The following MSRB3 variants were observed in gnomAD, a reference collection of about 807,000 sequenced individuals.
The protein encoded by MSRB3 is methionine sulfoxide reductase B3, also known as methionine-R-sulfoxide reductase B3.
In MSRB3, 13 loss-of-function variants were observed where a neutral mutation model predicts 21.0. That is an observed-to-expected ratio of 0.62 (90% CI 0.40 to 0.98). MSRB3 has a LOEUF of 0.98. MSRB3 is among the 50% of genes least tolerant of loss of function. The probability of loss-of-function intolerance (pLI) is 0.00; values close to 1 mark genes in which losing one functional copy is unlikely to be tolerated. For synonymous variants in MSRB3, 87 were observed against 88.6 expected (o/e 0.98, Z 0.10); for missense variants, 199 against 230.3 (o/e 0.86, Z 0.88).
At chr12:65,452,727 A>C (rs1278828394) in intron 5 of MSRB3, among the ~76,000 whole-genome samples, 1 of 152,160 alleles carries the variant, frequency 6.6e-6, no homozygotes, top group Non-Finnish European at 1.5e-5. Flanking sequence ...CATGTTGTTG[A>C]AGTTTGCATT....
chr12:65,427,609 C>T (rs1228666903), intron 5 of MSRB3, among the ~76,000 whole-genome samples: 1 of 152,106 alleles, frequency 6.6e-6, no homozygotes, highest in Non-Finnish European at 1.5e-5. Flanking sequence ...GGAGCTGAGG[C>T]CTGAAGCACA....
intron 4 of MSRB3, among the ~76,000 whole-genome samples, chr12:65,341,236 G>C (rs1371914183): frequency 6.6e-6 from 1 of 152,064 alleles, no homozygotes; most frequent in South Asian, 2.1e-4. Context: ...TAAAAAATGA[G>C]ATTCAGTTAT....
intron 1 of MSRB3, among the ~76,000 whole-genome samples, chr12:65,301,414 A>G (rs541103296): frequency 2.6e-5 from 4 of 152,348 alleles, no homozygotes; most frequent in Non-Finnish European, 4.4e-5. Flanking sequence ...TAAAATCTAC[A>G]CGGAAATTTT....
chr12:65,434,576 T>G (rs953722403), intron 5 of MSRB3, among the ~76,000 whole-genome samples: 6 of 151,854 alleles, frequency 4.0e-5, no homozygotes, highest in Non-Finnish European at 8.8e-5. Flanking sequence ...TAATAAGCGT[T>G]GGGACTTGGA....
intron 5 of MSRB3, chr12:65,419,951 G>T: frequency 1.7e-6 from 1 of 571,938 alleles, no homozygotes; most frequent in Non-Finnish European, 3.4e-6. Flanking sequence ...AGGTGCCATA[G>T]CTGGGCACCT....
intron 4 of MSRB3, among the ~76,000 whole-genome samples, chr12:65,363,664 C>T (rs1304298881): frequency 6.6e-6 from 1 of 151,878 alleles, no homozygotes; most frequent in Non-Finnish European, 1.5e-5. Context: ...TCTGACAAGA[C>T]TCCAAAATAA....
chr12:65,334,647 AT>A (rs1311988322), intron 4 of MSRB3, among the ~76,000 whole-genome samples: 8 of 152,162 alleles, frequency 5.3e-5, no homozygotes. Context: ...CCCAAAAGTA[AT>A]GAGATCCATC....
intron 1 of MSRB3, among the ~76,000 whole-genome samples, chr12:65,293,818 G>A (rs970616989): frequency 6.6e-6 from 1 of 152,192 alleles, no homozygotes; most frequent in Non-Finnish European, 1.5e-5. Context: ...AATAAATGCA[G>A]CATGGGCATG....
chr12:65,434,572 G>A (rs1176025369), intron 5 of MSRB3, among the ~76,000 whole-genome samples: 1 of 151,838 alleles, frequency 6.6e-6, no homozygotes, highest in Non-Finnish European at 1.5e-5. Flanking sequence ...ATATTAATAA[G>A]CGTTGGGACT....
intron 6 of MSRB3, among the ~76,000 whole-genome samples, chr12:65,455,155 A>G (rs1199988350): frequency 6.6e-6 from 1 of 151,924 alleles, no homozygotes; most frequent in Non-Finnish European, 1.5e-5. Flanking sequence ...ACCAGGCACA[A>G]AATGTTTAGG....
At chr12:65,343,788 A>G (rs946472111) in intron 4 of MSRB3, among the ~76,000 whole-genome samples, 1 of 152,040 alleles carries the variant, frequency 6.6e-6, no homozygotes, top group Admixed American at 6.6e-5. Context: ...GCTTCCCTGT[A>G]TTCTGGCTGA....
At chr12:65,317,098 A>G (rs1298669482) in intron 2 of MSRB3, among the ~76,000 whole-genome samples, 4 of 152,156 alleles carry the variant, frequency 2.6e-5, no homozygotes, top group African/African-American at 9.7e-5. Context: ...GTCATTAACC[A>G]GGTATGCAAC....
intron 5 of MSRB3, among the ~76,000 whole-genome samples, chr12:65,397,385 T>C (rs1224962695): frequency 6.6e-6 from 1 of 152,168 alleles, no homozygotes; most frequent in African/African-American, 2.4e-5. Context: ...TATAATCACT[T>C]TAGTAATAGC....
chr12:65,331,321 A>G (rs1875401404), intron 4 of MSRB3, among the ~76,000 whole-genome samples: 1 of 152,226 alleles, frequency 6.6e-6, no homozygotes, highest in Admixed American at 6.5e-5. Context: ...AAATGAAAAG[A>G]AATTCTAAAG....
intron 5 of MSRB3, among the ~76,000 whole-genome samples, chr12:65,396,526 A>G (rs1463060178): frequency 6.6e-6 from 1 of 152,080 alleles, no homozygotes; most frequent in Admixed American, 6.5e-5. Flanking sequence ...CCCTGTCTCT[A>G]CTAAAAATAC....
chr12:65,446,240 A>G (rs1339719617), intron 5 of MSRB3, among the ~76,000 whole-genome samples: 1 of 152,234 alleles, frequency 6.6e-6, no homozygotes, highest in Non-Finnish European at 1.5e-5. Flanking sequence ...ATTCCTTTCC[A>G]CTTAAGTAGG....
intron 4 of MSRB3, chr12:65,344,353 A>C (rs1876344832): frequency 6.6e-6 from 1 of 151,926 alleles, no homozygotes; most frequent in Admixed American, 6.6e-5. Context: ...ATAACTGGTA[A>C]TAATTTGCTG....
At position 65,463,298 on chromosome 12, in the gene MSRB3, C is replaced by T; in HGVS notation, c.534C>T (p.Ala178=). 1 of 1,614,088 alleles carries T rather than the reference C, an allele frequency of 6.2e-7. No homozygotes were observed. Among genetic ancestry groups the T allele is most frequent in the South Asian group, 1.1e-5 (1 of 91,074 alleles). ...GAGGCAGTGGGGTCGCCAGCCCGGC[C>T]CAGGCAGACAAAGCGGAGCTCTAGA... ...AEGGSGVASP[A]QADKAEL The change falls in exon 7 of 7, where the codon GCC becomes GCT. Residue 178 remains alanine, a synonymous_variant. Transcript: ENST00000308259.
At chr12:65,419,235 C>G (rs1211414792) in intron 5 of MSRB3, 4 of 722,358 alleles carry the variant, frequency 5.5e-6, no homozygotes, top group Admixed American at 1.9e-5. Flanking sequence ...CTTCTCAGTT[C>G]TTCCGAGCCA....
Sources: gnomAD v4.1 joint callset for allele counts (sites outside exome capture counted in the v4.1 genomes callset) on GRCh38, gnomAD v4.1.1 for gene constraint, MANE v1.5 for transcripts, NCBI Gene and HGNC (gene_info 2026-07-23, HGNC 2026-07-21) for gene names.